CA10: variants seen among roughly 807,000 people sequenced by gnomAD.
The protein encoded by CA10 is carbonic anhydrase 10 (inactive).
CA10 carries 14 observed loss-of-function variants against 44.2 expected under a neutral mutation model. The observed-to-expected ratio is 0.32, with a 90% CI of 0.21 to 0.50. The LOEUF is 0.50. CA10 is among the 20% of genes least tolerant of loss of function. The pLI is 0.99. For missense variants in CA10, 350 were observed against 409.7 expected (o/e 0.85, Z 1.26); for synonymous variants, 159 against 141.6 (o/e 1.12, Z -0.87).
intron 3 of CA10, among the ~76,000 whole-genome samples, chr17:51,752,718 C>T (rs1403296358): frequency 6.6e-6 from 1 of 152,132 alleles, no homozygotes. Flanking sequence ...CACCTGAGGT[C>T]AGGGGCTTGA....
intron 2 of CA10, among the ~76,000 whole-genome samples, chr17:52,049,353 T>G (rs189244454): frequency 6.6e-6 from 1 of 152,196 alleles, no homozygotes; most frequent in East Asian, 1.9e-4. Flanking sequence ...AGCACATGCC[T>G]CCTCTCATAA....
intron 2 of CA10, among the ~76,000 whole-genome samples, chr17:52,045,420 T>C (rs766991015): frequency 3.3e-5 from 5 of 151,990 alleles, no homozygotes; most frequent in South Asian, 4.1e-4. Flanking sequence ...ATATGAAAGA[T>C]TTTTCTCATT....
intron 2 of CA10, among the ~76,000 whole-genome samples, chr17:51,964,551 C>A (rs1397951531): frequency 6.6e-6 from 1 of 151,624 alleles, no homozygotes; most frequent in Non-Finnish European, 1.5e-5. Flanking sequence ...GAAATTACAC[C>A]AACCATACTC....
intron 2 of CA10, among the ~76,000 whole-genome samples, chr17:51,951,798 C>A (rs1161623356): frequency 6.6e-6 from 1 of 152,136 alleles, no homozygotes; most frequent in Non-Finnish European, 1.5e-5. Context: ...TTCAAGACAA[C>A]CTCGTGGAAC....
At chr17:51,681,229 A>C (rs1276691894) in intron 4 of CA10, among the ~76,000 whole-genome samples, 2 of 152,172 alleles carry the variant, frequency 1.3e-5, no homozygotes, top group African/African-American at 4.8e-5. Flanking sequence ...GATTGTTTTA[A>C]GTATTGATTG....
At chr17:51,811,337 C>T (rs181304626) in intron 3 of CA10, among the ~76,000 whole-genome samples, 29 of 152,194 alleles carry the variant, frequency 1.9e-4, no homozygotes, top group East Asian at 7.7e-4. Context: ...ATGTGCACAA[C>T]GTGCAGGTTT....
chr17:51,882,974 G>T (rs537183773), intron 3 of CA10, among the ~76,000 whole-genome samples: 2 of 152,314 alleles, frequency 1.3e-5, no homozygotes, highest in African/African-American at 4.8e-5. Flanking sequence ...TAAGGTACTG[G>T]TGGAAAATTT....
At chr17:52,122,556 AT>A (rs1989035045) in intron 1 of CA10, among the ~76,000 whole-genome samples, 2 of 152,280 alleles carry the variant, frequency 1.3e-5, no homozygotes, top group South Asian at 4.1e-4. Context: ...CTCCTTGCTT[AT>A]CCCATGCTTA....
chr17:51,968,080 G>A (rs1323499813), intron 2 of CA10, among the ~76,000 whole-genome samples: 1 of 151,882 alleles, frequency 6.6e-6, no homozygotes, highest in Non-Finnish European at 1.5e-5. Context: ...GTGAGGATAC[G>A]GAGCAAGAGA....
At chr17:52,145,404 A>T (rs1326303258) in intron 1 of CA10, among the ~76,000 whole-genome samples, 1 of 152,158 alleles carries the variant, frequency 6.6e-6, no homozygotes, top group African/African-American at 2.4e-5. Flanking sequence ...AAAAGGAGAA[A>T]ACTGGCCCCA....
intron 1 of CA10, among the ~76,000 whole-genome samples, chr17:52,138,608 A>G (rs1440967152): frequency 6.6e-6 from 1 of 152,204 alleles, no homozygotes; most frequent in Non-Finnish European, 1.5e-5. Flanking sequence ...CAGGTTTGAT[A>G]TCAAATCCAT....
intron 2 of CA10, among the ~76,000 whole-genome samples, chr17:52,030,531 C>A (rs931444564): frequency 6.6e-6 from 1 of 152,062 alleles, no homozygotes; most frequent in Non-Finnish European, 1.5e-5. Flanking sequence ...AATATGCAGT[C>A]CTTGGGTACT....
chr17:51,925,492 A>C (rs1982393439), intron 3 of CA10, among the ~76,000 whole-genome samples: 1 of 152,042 alleles, frequency 6.6e-6, no homozygotes, highest in African/African-American at 2.4e-5. Flanking sequence ...TGTGTTGCTG[A>C]TGAGAATGTA....
chr17:51,681,740 G>A (rs1341304544), intron 4 of CA10, among the ~76,000 whole-genome samples: 1 of 152,160 alleles, frequency 6.6e-6, no homozygotes, highest in African/African-American at 2.4e-5. Flanking sequence ...TGGCTATATT[G>A]TGTAGTAGTA....
intron 3 of CA10, among the ~76,000 whole-genome samples, chr17:51,889,557 C>T (rs1385742497): frequency 6.6e-6 from 1 of 151,910 alleles, no homozygotes; most frequent in African/African-American, 2.4e-5. Context: ...CCAAACCAAA[C>T]AAAACAAAAT....
chr17:51,957,309 C>T (rs1245020141), intron 2 of CA10, among the ~76,000 whole-genome samples: 1 of 152,122 alleles, frequency 6.6e-6, no homozygotes, highest in African/African-American at 2.4e-5. Flanking sequence ...ACATTTATCA[C>T]TTTTTTTCCT....
At chr17:51,894,842 G>A (rs1200889836) in intron 3 of CA10, among the ~76,000 whole-genome samples, 1 of 151,948 alleles carries the variant, frequency 6.6e-6, no homozygotes, top group Non-Finnish European at 1.5e-5. Context: ...GAAATCACAA[G>A]GAAAGAAAGA....
chr17:52,060,191 C>T (rs1301081585), intron 2 of CA10, among the ~76,000 whole-genome samples: 1 of 152,098 alleles, frequency 6.6e-6, no homozygotes, highest in Non-Finnish European at 1.5e-5. Context: ...CCCAGATTAA[C>T]CAAGAAAAGC....
chr17:52,045,097 T>A (rs1487507054), intron 2 of CA10, among the ~76,000 whole-genome samples: 1 of 151,708 alleles, frequency 6.6e-6, no homozygotes. Flanking sequence ...CATACAGAGA[T>A]ACAAAGGTAA....
Sources: allele counts gnomAD v4.1 joint callset (sites outside exome capture counted in the v4.1 genomes callset), GRCh38; gene constraint gnomAD v4.1.1; transcripts MANE v1.5; gene names NCBI Gene and HGNC (gene_info 2026-07-23, HGNC 2026-07-21).